The following CNTN4 variants were observed in gnomAD, a reference collection of about 807,000 sequenced individuals.
CNTN4 encodes the protein contactin-4.
In CNTN4, 77 loss-of-function variants were observed where a neutral mutation model predicts 122.5. The ratio of observed to expected loss-of-function variants is 0.63; its 90% CI spans 0.52 to 0.76. The LOEUF (loss-of-function observed/expected upper bound fraction) is 0.76, where lower values mean the gene tolerates loss of function less well. Ranked by LOEUF, CNTN4 falls within the 30% of genes least tolerant of loss-of-function variation. The pLI, the probability that CNTN4 is intolerant of heterozygous loss-of-function variation, is 0.00. For synonymous variants in CNTN4, 512 were observed against 447.0 expected (o/e 1.15, Z -1.83); for missense variants, 1,256 against 1,259.1 (o/e 1.00, Z 0.04).
chr3:2,437,799 A>G (rs2048307668), intron 3 of CNTN4, among the ~76,000 whole-genome samples: 3 of 152,212 alleles, frequency 2.0e-5, no homozygotes, highest in Admixed American at 2.0e-4. Context: ...CATGACATTT[A>G]TATTGGCAAG....
intron 13 of CNTN4, among the ~76,000 whole-genome samples, chr3:2,956,311 A>T (rs931511454): frequency 6.6e-6 from 1 of 152,128 alleles, no homozygotes; most frequent in African/African-American, 2.4e-5. Flanking sequence ...CATTGTTTAG[A>T]TGGGTAAAGA....
chr3:2,981,395 G>A (rs1409505842), intron 13 of CNTN4, among the ~76,000 whole-genome samples: 1 of 151,958 alleles, frequency 6.6e-6, no homozygotes, highest in African/African-American at 2.4e-5. Context: ...AGTGAGCCGA[G>A]ATCGCAGCAC....
At chr3:2,153,517 A>C (rs1222130247) in intron 2 of CNTN4, among the ~76,000 whole-genome samples, 1 of 152,182 alleles carries the variant, frequency 6.6e-6, no homozygotes, top group Non-Finnish European at 1.5e-5. Flanking sequence ...GTGATTTTAA[A>C]CACGAATATA....
intron 3 of CNTN4, among the ~76,000 whole-genome samples, chr3:2,475,472 G>C (rs991650752): frequency 6.6e-6 from 1 of 152,120 alleles, no homozygotes; most frequent in Non-Finnish European, 1.5e-5. Context: ...TCACAGCTTG[G>C]CTTTGATAGA....
intron 3 of CNTN4, among the ~76,000 whole-genome samples, chr3:2,497,438 T>G (rs1053933316): frequency 6.6e-6 from 1 of 152,194 alleles, no homozygotes; most frequent in African/African-American, 2.4e-5. Context: ...TGGTACATTT[T>G]CACACCTACT....
intron 3 of CNTN4, among the ~76,000 whole-genome samples, chr3:2,354,421 C>A (rs1273486644): frequency 6.6e-6 from 1 of 152,148 alleles, no homozygotes; most frequent in Non-Finnish European, 1.5e-5. Context: ...ATCCCAGCTA[C>A]TCAGGAGGCT....
At chr3:2,873,793 C>T (rs1284287117) in intron 8 of CNTN4, among the ~76,000 whole-genome samples, 3 of 152,164 alleles carry the variant, frequency 2.0e-5, no homozygotes, top group Non-Finnish European at 2.9e-5. Context: ...ATCTACAACC[C>T]TTTATTGAAG....
At chr3:2,342,717 C>T (rs779104557) in intron 3 of CNTN4, among the ~76,000 whole-genome samples, 3 of 152,186 alleles carry the variant, frequency 2.0e-5, no homozygotes, top group African/African-American at 4.8e-5. Context: ...TTGGCTTCTC[C>T]TTCCACCATG....
chr3:2,978,684 G>A (rs1693656150), intron 13 of CNTN4, among the ~76,000 whole-genome samples: 1 of 152,164 alleles, frequency 6.6e-6, no homozygotes, highest in Non-Finnish European at 1.5e-5. Flanking sequence ...GCCCAATTCT[G>A]TCCTGCCTTG....
intron 3 of CNTN4, among the ~76,000 whole-genome samples, chr3:2,552,019 A>C (rs553704371): frequency 6.6e-6 from 1 of 152,142 alleles, no homozygotes; most frequent in Non-Finnish European, 1.5e-5. Context: ...TGAAAACAAA[A>C]CTATTTGTCT....
At chr3:3,022,106 T>C (rs1434130047) in intron 14 of CNTN4, among the ~76,000 whole-genome samples, 1 of 148,642 alleles carries the variant, frequency 6.7e-6, no homozygotes, top group Non-Finnish European at 1.5e-5. Flanking sequence ...TAGTTGGGCA[T>C]GGTGGTGTGC....
At position 2,498,117 on chromosome 3, in the gene CNTN4, C is replaced by T. The variant is rs147409346; in HGVS notation, c.-88-73299C>T. On this transcript the variant is annotated intron_variant, in intron 3 of 24. Coordinates refer to ENST00000418658, the MANE Select transcript of CNTN4 (RefSeq NM_175607.3). ...ATTGAATATTACTACTTAATTTCATCTTTATGTATTTTTGCAAATATATAT... is the reference window on the plus strand; with the variant it reads ...ATTGAATATTACTACTTAATTTCATTTTTATGTATTTTTGCAAATATATAT... Among the ~76,000 whole-genome samples the T allele has an allele frequency of 8.1e-3, 1,229 of 152,044 alleles. 23 individuals carry two copies. Among genetic ancestry groups the T allele is most frequent in the African/African-American group, 0.028 (1,177 of 41,490 alleles).
At chr3:2,788,069 G>A (rs940714623) in intron 6 of CNTN4, among the ~76,000 whole-genome samples, 1 of 152,034 alleles carries the variant, frequency 6.6e-6, no homozygotes, top group African/African-American at 2.4e-5. Flanking sequence ...GGATTACCGT[G>A]CCCGGCCTAT....
intron 3 of CNTN4, among the ~76,000 whole-genome samples, chr3:2,444,542 G>A (rs2048551854): frequency 6.6e-6 from 1 of 152,166 alleles, no homozygotes; most frequent in South Asian, 2.1e-4. Context: ...GGCAGAAATG[G>A]CGAGTGTAGA....
intron 6 of CNTN4, among the ~76,000 whole-genome samples, chr3:2,794,765 C>A (rs1220464950): frequency 6.6e-6 from 1 of 152,162 alleles, no homozygotes; most frequent in Admixed American, 6.5e-5. Context: ...AGTTATGGAG[C>A]CTGGGAAGTA....
At chr3:2,166,545 A>G (rs1252811678) in intron 2 of CNTN4, among the ~76,000 whole-genome samples, 4 of 151,494 alleles carry the variant, frequency 2.6e-5, no homozygotes, top group Non-Finnish European at 5.9e-5. Context: ...TTAAATTATT[A>G]TTGATAATGT....
At chr3:2,507,047 T>C (rs1038652157) in intron 3 of CNTN4, among the ~76,000 whole-genome samples, 1 of 152,210 alleles carries the variant, frequency 6.6e-6, no homozygotes, top group Non-Finnish European at 1.5e-5. Flanking sequence ...GAAAGCATAC[T>C]GAAACGTCTA....
At chr3:2,536,585 T>C (rs900996168) in intron 3 of CNTN4, among the ~76,000 whole-genome samples, 1 of 150,946 alleles carries the variant, frequency 6.6e-6, no homozygotes, top group Non-Finnish European at 1.5e-5. Context: ...ATTTTTTAAA[T>C]AATTTTTTTT....
chr3:2,852,953 A>G (rs2093570398), intron 7 of CNTN4, among the ~76,000 whole-genome samples: 2 of 152,222 alleles, frequency 1.3e-5, no homozygotes, highest in African/African-American at 2.4e-5. Flanking sequence ...GTCATTGGGA[A>G]GAATCCACCA....
Sources: allele counts gnomAD v4.1 joint callset (sites outside exome capture counted in the v4.1 genomes callset), GRCh38; gene constraint gnomAD v4.1.1; transcripts MANE v1.5; gene names NCBI Gene and HGNC (gene_info 2026-07-23, HGNC 2026-07-21).